Variants in GREB1L observed in about 807,000 individuals in gnomAD.
GREB1L encodes GREB1-like protein.
A neutral mutation model predicts 200.8 loss-of-function variants in GREB1L; 17 were observed. That is an observed-to-expected ratio of 0.08 (90% CI 0.06 to 0.13). The LOEUF is 0.13. Among genes scored for constraint, GREB1L ranks in the 10% least tolerant of loss-of-function variants. GREB1L has a pLI of 1.00. For synonymous variants in GREB1L, 789 were observed against 893.0 expected (o/e 0.88, Z 2.08); for missense variants, 1,657 against 2,367.7 (o/e 0.70, Z 6.23).
chr18:21,294,708 T>C (rs1235649742), intron 1 of GREB1L, among the ~76,000 whole-genome samples: 1 of 152,038 alleles, frequency 6.6e-6, no homozygotes, highest in African/African-American at 2.4e-5. Flanking sequence ...ACACAGCATT[T>C]ATTTTATGGT....
At chr18:21,468,574 A>G (rs542971847) in intron 15 of GREB1L, among the ~76,000 whole-genome samples, 1 of 152,202 alleles carries the variant, frequency 6.6e-6, no homozygotes, top group East Asian at 1.9e-4. Context: ...AAAAAATCAT[A>G]GAGTTCGCTA....
At chr18:21,441,285 AC>A in intron 9 of GREB1L, 114 bp from the exon 10 acceptor site, 1 of 924,550 alleles carries the variant, frequency 1.1e-6, no homozygotes, top group Non-Finnish European at 1.5e-6. Flanking sequence ...GAAAAACACA[AC>A]AAACCATTAG....
At chr18:21,282,659 G>A (rs374337082) in intron 1 of GREB1L, among the ~76,000 whole-genome samples, 4 of 152,082 alleles carry the variant, frequency 2.6e-5, no homozygotes, top group African/African-American at 9.6e-5. Flanking sequence ...CAGTGCAGTG[G>A]CACAATCTCG....
In GREB1L at chr18:21,347,244, A is replaced by C. The variant is rs138301583; in HGVS notation, c.-119-18783A>C. Among the ~76,000 whole-genome samples the C allele has an allele frequency of 9.5e-3, 1,441 of 151,090 alleles. 21 individuals are homozygous for C. The highest frequency in any genetic ancestry group is 0.032 in the African/African-American group (1,314 of 41,200). On this transcript the variant is annotated intron_variant, in intron 1 of 32. Transcript: ENST00000424526. Reference sequence around the variant, plus strand: ...AGTGAGCCTGAGATTGCACCACTGCACTCCAGCCTGAGCAACAGAGCAAGA... The same window carrying C: ...AGTGAGCCTGAGATTGCACCACTGCCCTCCAGCCTGAGCAACAGAGCAAGA...
At chr18:21,497,468 C>A (rs2036588602) in intron 21 of GREB1L, among the ~76,000 whole-genome samples, 1 of 151,990 alleles carries the variant, frequency 6.6e-6, no homozygotes, top group South Asian at 2.1e-4. Flanking sequence ...CATGGTGAAA[C>A]CTCATCTCTA....
At chr18:21,396,197 A>G (rs1374432807) in intron 5 of GREB1L, among the ~76,000 whole-genome samples, 3 of 151,406 alleles carry the variant, frequency 2.0e-5, no homozygotes, top group Non-Finnish European at 4.4e-5. Context: ...GGCGCCCACC[A>G]TCACGCCCAG....
At chr18:21,395,262 A>G in intron 4 of GREB1L, 123 bp from the exon 5 acceptor site, 1 of 733,202 alleles carries the variant, frequency 1.4e-6, no homozygotes, top group Non-Finnish European at 2.3e-6. Context: ...ATAGGGGTAT[A>G]GGGACTTTAA....
At chr18:21,500,432 CCT>C (rs1173233629) in intron 22 of GREB1L, 106 bp from the exon 23 acceptor site, 8 of 883,764 alleles carry the variant, frequency 9.1e-6, no homozygotes, top group African/African-American at 1.7e-5. Flanking sequence ...CTCATTCAGG[CCT>C]CTCAGGCAGG....
chr18:21,375,379 T>C (rs1156444811), intron 2 of GREB1L, among the ~76,000 whole-genome samples: 1 of 152,080 alleles, frequency 6.6e-6, no homozygotes, highest in African/African-American at 2.4e-5. Context: ...GAGGAGTTTT[T>C]TATTAGAGCG....
chr18:21,250,178 G>A (rs1320146754), intron 1 of GREB1L, among the ~76,000 whole-genome samples: 1 of 152,166 alleles, frequency 6.6e-6, no homozygotes, highest in East Asian at 1.9e-4. Flanking sequence ...GGGAGCGAGT[G>A]GGGGATTAGG....
intron 1 of GREB1L, among the ~76,000 whole-genome samples, chr18:21,285,331 T>G (rs1488676223): frequency 6.6e-6 from 1 of 152,216 alleles, no homozygotes; most frequent in Admixed American, 6.5e-5. Context: ...CATGGAGATT[T>G]ACACCTATGT....
chr18:21,428,710 C>CT lies in GREB1L; in HGVS notation c.833-10788dup, dbSNP rs747598415. Among the ~76,000 whole-genome samples the CT allele has an allele frequency of 5.7e-3, 285 of 49,946 alleles. 33 individuals carry two copies. The highest frequency in any genetic ancestry group is 0.023 in the African/African-American group (168 of 7,168). 32.8% of individuals were successfully genotyped at this position (49,946 alleles called of 152,430 possible). ...GCAATGGCATGATCGCGGTTTATCT[C>CT]TTTTTTTTTTTTTTTTTTTTTTTGA... On this transcript the variant is annotated intron_variant, in intron 7 of 32. Coordinates refer to ENST00000424526, the MANE Select transcript of GREB1L (RefSeq NM_001142966.3).
chr18:21,389,362 G>T (rs1598741333), intron 4 of GREB1L, among the ~76,000 whole-genome samples: 4 of 113,872 alleles, frequency 3.5e-5, no homozygotes, highest in East Asian at 3.1e-4. Flanking sequence ...CATCAAATAG[G>T]AATTTTCTCT....
At chr18:21,426,937 C>A (rs2032628659) in intron 7 of GREB1L, among the ~76,000 whole-genome samples, 1 of 119,402 alleles carries the variant, frequency 8.4e-6, no homozygotes, top group Admixed American at 1.1e-4. Flanking sequence ...CCAGCCTGGG[C>A]AACAGAGCGA....
chr18:21,415,861 A>C (rs2031580733), intron 7 of GREB1L, among the ~76,000 whole-genome samples: 1 of 152,256 alleles, frequency 6.6e-6, no homozygotes, highest in Non-Finnish European at 1.5e-5. Flanking sequence ...AAATAATTTA[A>C]CTGTATACAA....
intron 21 of GREB1L, among the ~76,000 whole-genome samples, chr18:21,497,728 G>C (rs1458963393): frequency 6.6e-6 from 1 of 151,190 alleles, no homozygotes; most frequent in Non-Finnish European, 1.5e-5. Flanking sequence ...AGAGAATTCT[G>C]AGATTAAAAA....
chr18:21,342,440 T>C (rs1269466779), intron 1 of GREB1L, among the ~76,000 whole-genome samples: 2 of 152,212 alleles, frequency 1.3e-5, no homozygotes, highest in Non-Finnish European at 2.9e-5. Flanking sequence ...AATTTCTTAA[T>C]GTGCCAAAAT....
Position 21,242,322 on chromosome 18 carries a change from G to C in GREB1L, c.-191G>C, listed in dbSNP as rs1246268935. ...GCGCGGCGCAGGGAACGGCACTGGG[G>C]GTGGGGAGACCAGCCCGGCCGAGCC... On this transcript the variant is annotated 5_prime_UTR_variant, in exon 1 of 33. Transcript: ENST00000424526. 2 of 152,196 alleles carry C rather than the reference G, an allele frequency of 1.3e-5. No homozygotes were observed. The highest frequency in any genetic ancestry group is 2.9e-5 in the Non-Finnish European group (2 of 68,136). 9.4% of individuals were successfully genotyped at this position (152,196 alleles called of 1,614,324 possible).
Position 21,490,118 on chromosome 18 carries a change from A to G in GREB1L, c.2797A>G (p.Thr933Ala), listed in dbSNP as rs1243664710. 2.6e-6 allele frequency: 4 copies of G among 1,551,846 alleles called. No individual in the cohort carries two copies. The highest frequency in any genetic ancestry group is 2.0e-5 in the Admixed American group (1 of 50,996). Reference sequence around the variant, plus strand: ...CATGGCGTCACTCCGCGACCACAGCACACCAGAAACACTCAGCATTATGGA... The same window carrying G: ...CATGGCGTCACTCCGCGACCACAGCGCACCAGAAACACTCAGCATTATGGA... ...TTMASLRDHS[T>A]PETLSIMDDL... is the part of the protein sequence containing the mutation. The change falls in exon 19 of 33, where the codon ACA becomes GCA. Residue 933 changes from threonine (T) to alanine (A), a missense_variant. Around this residue, in one of 9 missense-constraint regions of GREB1L, gnomAD observed 82 missense variants for 95.9 expected, o/e 0.85. Coordinates refer to ENST00000424526, the MANE Select transcript of GREB1L (RefSeq NM_001142966.3).
Sources: allele counts gnomAD v4.1 joint callset (sites outside exome capture counted in the v4.1 genomes callset), GRCh38; gene constraint gnomAD v4.1.1; regional missense constraint gnomAD v4.1.1; transcripts MANE v1.5; gene names NCBI Gene and HGNC (gene_info 2026-07-23, HGNC 2026-07-21).